LRRC37A2: variants seen among roughly 807,000 people sequenced by gnomAD.
LRRC37A2 encodes the protein leucine-rich repeat-containing protein 37A2.
In LRRC37A2, 9 loss-of-function variants were observed where a neutral mutation model predicts 68.8. That is an observed-to-expected ratio of 0.13 (90% confidence interval 0.08 to 0.23). The LOEUF (loss-of-function observed/expected upper bound fraction) is 0.23. LRRC37A2 is among the 10% of genes least tolerant of loss of function. The pLI, the probability that LRRC37A2 is intolerant of heterozygous loss-of-function variation, is 1.00. For synonymous variants in LRRC37A2, 63 were observed against 367.6 expected, an observed-to-expected ratio of 0.17 and a Z score of 9.48; for missense variants, 168 against 950.4, an observed-to-expected ratio of 0.18 and a Z score of 10.82.
the LRRC37A2 span, among the ~76,000 whole-genome samples, chr17:46,961,705 A>C: frequency 6.6e-6 from 1 of 152,238 alleles, no homozygotes; most frequent in Non-Finnish European, 1.5e-5. Context: ...CCTAAAATAT[A>C]ACGACATAGA....
the LRRC37A2 span, among the ~76,000 whole-genome samples, chr17:46,991,616 AAAATAAAAT>A: frequency 2.2e-4 from 3 of 13,886 alleles, no homozygotes; most frequent in Non-Finnish European, 7.1e-4. Flanking sequence ...CCATCTCAAA[AAAATAAAAT>A]AAAATAAAAT....
chr17:46,811,152 A>G, the LRRC37A2 span, among the ~76,000 whole-genome samples: 1 of 144,194 alleles, frequency 6.9e-6, no homozygotes, highest in African/African-American at 2.5e-5. Flanking sequence ...GGCTTCAGCA[A>G]CTCTACCCCT....
At chr17:46,886,643 A>T in the LRRC37A2 span, 2 of 152,214 alleles carry the variant, frequency 1.3e-5, no homozygotes, top group Non-Finnish European at 2.9e-5. Context: ...CTGCGTGATC[A>T]TGTTGCTGGT....
At chr17:46,865,468 G>A in the LRRC37A2 span, among the ~76,000 whole-genome samples, 1 of 152,148 alleles carries the variant, frequency 6.6e-6, no homozygotes, top group Non-Finnish European at 1.5e-5. Flanking sequence ...GCCAGATTCA[G>A]TCCTCAGGGT....
the LRRC37A2 span, among the ~76,000 whole-genome samples, chr17:46,873,850 A>T: frequency 6.6e-6 from 1 of 152,016 alleles, no homozygotes; most frequent in Non-Finnish European, 1.5e-5. Flanking sequence ...ATTAGCTGGC[A>T]TGGTGGCAGG....
chr17:46,867,201 C>A, the LRRC37A2 span, among the ~76,000 whole-genome samples: 5 of 152,352 alleles, frequency 3.3e-5, no homozygotes, highest in South Asian at 1.0e-3. Context: ...TTCTTGAGGG[C>A]AGGACCGTGT....
the LRRC37A2 span, among the ~76,000 whole-genome samples, chr17:47,000,212 A>G: frequency 5.4e-5 from 8 of 147,166 alleles, no homozygotes; most frequent in Admixed American, 3.4e-4. Flanking sequence ...GGCTCAATGT[A>G]TGTTGACAAT....
the LRRC37A2 span, chr17:46,933,214 CGT>C: frequency 6.6e-6 from 1 of 152,238 alleles, no homozygotes; most frequent in Non-Finnish European, 1.5e-5. Context: ...GCCAGCCTGG[CGT>C]GATGCTGTGC....
the LRRC37A2 span, among the ~76,000 whole-genome samples, chr17:46,950,796 G>T: frequency 3.4e-4 from 52 of 152,296 alleles, 1 homozygote; most frequent in East Asian, 9.8e-3. Context: ...GATCAAAACT[G>T]TCCAGTTCCA....
the LRRC37A2 span, among the ~76,000 whole-genome samples, chr17:46,742,949 C>G: frequency 1.3e-5 from 2 of 152,016 alleles, no homozygotes; most frequent in Non-Finnish European, 2.9e-5. Flanking sequence ...AGTGATAGAC[C>G]AAAGGACCTC....
intron 11 of LRRC37A2, among the ~76,000 whole-genome samples, chr17:46,551,100 C>G (rs549898458): frequency 4.7e-5 from 7 of 150,038 alleles, no homozygotes; most frequent in African/African-American, 1.8e-4. Context: ...GTCTCATACT[C>G]TAGCCCTCCT....
the LRRC37A2 span, among the ~76,000 whole-genome samples, chr17:46,900,840 T>C: frequency 5.4e-5 from 8 of 149,046 alleles, no homozygotes. Context: ...CTGAACACCA[T>C]CTACAAGCCA....
the LRRC37A2 span, among the ~76,000 whole-genome samples, chr17:46,947,925 C>A: frequency 2.6e-5 from 4 of 152,182 alleles, no homozygotes; most frequent in Admixed American, 2.0e-4. Context: ...TGTGCCACCA[C>A]GCCTGGCTAA....
At chr17:46,980,089 A>G in the LRRC37A2 span, among the ~76,000 whole-genome samples, 1 of 152,044 alleles carries the variant, frequency 6.6e-6, no homozygotes, top group Admixed American at 6.6e-5. Context: ...TAAAACCCAG[A>G]TTGCTTCCAC....
At chr17:46,558,868 G>A (rs1314765925), downstream of LRRC37A2, 2 of 97,420 alleles carry the variant, frequency 2.1e-5, no homozygotes, top group African/African-American at 9.4e-5. Context: ...TTTCAGAGAC[G>A]GGCCTCACTT....
the LRRC37A2 span, among the ~76,000 whole-genome samples, chr17:46,769,340 AAAAG>A: frequency 6.6e-6 from 1 of 152,002 alleles, no homozygotes; most frequent in East Asian, 1.9e-4. Context: ...AAAGAAAAGA[AAAAG>A]AAAAAAGAAA....
chr17:46,814,664 G>A, the LRRC37A2 span, among the ~76,000 whole-genome samples: 30 of 152,334 alleles, frequency 2.0e-4, no homozygotes, highest in East Asian at 4.0e-3. Flanking sequence ...CAGCCCCAGC[G>A]AGCTGTAATT....
the LRRC37A2 span, among the ~76,000 whole-genome samples, chr17:46,492,840 T>G: frequency 6.7e-6 from 1 of 149,146 alleles, no homozygotes; most frequent in Admixed American, 6.7e-5. Context: ...ACTACAGGCG[T>G]CTACCACCAC....
At chr17:46,857,936 T>TTGC in the LRRC37A2 span, among the ~76,000 whole-genome samples, 768 of 152,146 alleles carry the variant, frequency 5.0e-3, 21 homozygotes, top group East Asian at 0.083. Flanking sequence ...GTTGTTGTTG[T>TTGC]TGCTGTTGTT....
Sources: gnomAD v4.1 joint callset for allele counts (sites outside exome capture counted in the v4.1 genomes callset) on GRCh38, gnomAD v4.1.1 for gene constraint, MANE v1.5 for transcripts, NCBI Gene and HGNC (gene_info 2026-07-23, HGNC 2026-07-21) for gene names.